Variants in REL observed in about 807,000 individuals in gnomAD.
REL encodes the protein REL proto-oncogene, NF-kB subunit.
In REL, 15 loss-of-function variants were observed where a neutral mutation model predicts 45.9. The observed-to-expected ratio is 0.33, with a 90% CI of 0.22 to 0.50. REL has a LOEUF of 0.50. Ranked by LOEUF, REL falls within the 20% of genes least tolerant of loss-of-function variation. The pLI is 0.98. For synonymous variants in REL, 239 were observed against 242.1 expected, an observed-to-expected ratio of 0.99 and a Z score of 0.12; for missense variants, 601 against 715.2, an observed-to-expected ratio of 0.84 and a Z score of 1.82.
chr2:60,920,735 C>A, intron 9 of REL, 93 bp downstream of exon 9: 3 of 755,380 alleles, frequency 4.0e-6, no homozygotes, highest in Non-Finnish European at 6.5e-6. Context: ...TGAATAACTG[C>A]TTCTTTGAAA....
chr2:60,904,316 C>A (rs569254437), intron 4 of REL, among the ~76,000 whole-genome samples: 1 of 151,678 alleles, frequency 6.6e-6, no homozygotes, highest in African/African-American at 2.4e-5. Flanking sequence ...GCAGGAGATT[C>A]GCTTGAACCC....
intron 4 of REL, among the ~76,000 whole-genome samples, chr2:60,907,784 A>G (rs1045255895): frequency 2.6e-5 from 4 of 151,236 alleles, no homozygotes; most frequent in Non-Finnish European, 1.5e-5. Context: ...TCTGTCTCCC[A>G]GGTTCACACC....
chr2:60,900,167 A>T (rs895714745), intron 3 of REL: 2 of 152,232 alleles, frequency 1.3e-5, no homozygotes, highest in African/African-American at 4.8e-5. Flanking sequence ...TTTAAAATGT[A>T]CAAGAGAAGC....
rs11678166 is a variant in REL at position 60,930,585 on chromosome 2, G to A, written c.*8050G>A. The A allele has an allele frequency of 0.02, 2,972 of 152,372 alleles. 46 individuals are homozygous for A. The highest frequency in any genetic ancestry group is 0.027 in the South Asian group (131 of 4,824). The allele number at this position is 152,372 out of a possible 1,614,324, so 9.4% of individuals were successfully genotyped here. A position where few individuals can be genotyped will look rare whatever the true frequency, so the allele number is the denominator to read the frequency against. On this transcript the variant is annotated 3_prime_UTR_variant, in exon 10 of 10. Coordinates refer to ENST00000394479, the MANE Select transcript of REL (RefSeq NM_001291746.2). Reference sequence around the variant, plus strand: ...TTAAGCACAAAGTTAACAGTGGGTAGGATTGAATCTTGAAAGTAATCATGT... The same window carrying A: ...TTAAGCACAAAGTTAACAGTGGGTAAGATTGAATCTTGAAAGTAATCATGT...
In REL at chr2:60,921,931, CCCCACGCT is replaced by C; in HGVS notation, c.1162_1169del (p.Pro388ArgfsTer8). The C allele has an allele frequency of 6.2e-7, 1 of 1,614,146 alleles. No homozygotes were observed. The highest frequency in any genetic ancestry group is 8.5e-7 in the Non-Finnish European group (1 of 1,180,032). On this transcript the variant is annotated frameshift_variant, in exon 10 of 10. Coordinates refer to ENST00000394479, the MANE Select transcript of REL (RefSeq NM_001291746.2). LOFTEE classifies it high-confidence loss of function. ...AGCTGGTCATCAGTGGCCCACCCCA[CCCCACGCT>C]CAGGCAATACAAACCCACTGAGTAG...
At position 60,926,592 on chromosome 2, in the gene REL, G is replaced by GCCCT. The variant is rs1228515690; in HGVS notation, c.*4060_*4063dup. ...CAGTTGGTGCTATTTCCCCCTACCC[G>GCCCT]CCCTCCGATGATCTTATCAGAGCCC... is the stretch of plus-strand genomic sequence containing the variant. On this transcript the variant is annotated 3_prime_UTR_variant, in exon 10 of 10. Transcript: ENST00000394479. The GCCCT allele has an allele frequency of 1.3e-5, 3 of 229,714 alleles. No individual in the cohort carries two copies. The highest frequency in any genetic ancestry group is 2.2e-5 in the African/African-American group (1 of 44,780). The allele number at this position is 229,714 out of a possible 1,614,324, so 14.2% of individuals were successfully genotyped here. A position where few individuals can be genotyped will look rare whatever the true frequency, so the allele number is the denominator to read the frequency against.
Position 60,920,105 on chromosome 2 carries a change from T to G in REL, c.918T>G (p.Asp306Glu). 1 of 1,605,710 alleles carries G rather than the reference T, an allele frequency of 6.2e-7. No homozygotes were observed. Among genetic ancestry groups the G allele is most frequent in the Non-Finnish European group, 8.5e-7 (1 of 1,173,248 alleles). The change falls in exon 8 of 10, where the codon GAT (aspartate) becomes GAG (glutamate). Residue 306 changes from aspartate to glutamate, a missense_variant. By Grantham distance (45) the Asp-to-Glu change is conservative. Transcript: ENST00000394479. The part of the protein sequence containing the change: ...TTLLFQKLCQ[D>E]HVNFPERPRP... ...TGCTTTTCCAGAAACTGTGCCAGGA[T>G]CACGGTAAGAATAGTTTGGATCGAT...
intron 4 of REL, among the ~76,000 whole-genome samples, chr2:60,911,772 G>A (rs556842283): frequency 7.2e-5 from 11 of 151,948 alleles, no homozygotes; most frequent in South Asian, 6.2e-4. Context: ...AGGCCGAGGC[G>A]GGCGGATCAC....
At position 60,929,662 on chromosome 2, in the gene REL, A is replaced by C. The variant is rs1415853076; in HGVS notation, c.*7127A>C. On this transcript the variant is annotated 3_prime_UTR_variant, in exon 10 of 10. Transcript: ENST00000394479. ...CAGGAAGGGGAATATCACACTGGGG[A>C]CTGTTGTGGGGTGGGGGGAGGGGGG... The C allele has an allele frequency of 8.8e-6, 1 of 113,966 alleles. No individual in the cohort carries two copies. Among genetic ancestry groups the C allele is most frequent in the Non-Finnish European group, 1.7e-5 (1 of 58,712 alleles). 7.1% of individuals were successfully genotyped at this position (113,966 alleles called of 1,614,324 possible). A position where few individuals can be genotyped will look rare whatever the true frequency, so the allele number is the denominator to read the frequency against.
chr2:60,885,074 G>C (rs1360628133), intron 1 of REL, among the ~76,000 whole-genome samples: 1 of 152,140 alleles, frequency 6.6e-6, no homozygotes, highest in Non-Finnish European at 1.5e-5. Flanking sequence ...CACAGATAAA[G>C]GGAATGAGTT....
intron 4 of REL, among the ~76,000 whole-genome samples, chr2:60,905,585 G>T (rs1335013985): frequency 2.6e-5 from 4 of 152,146 alleles, no homozygotes; most frequent in African/African-American, 9.7e-5. Context: ...CGAGTCACAT[G>T]GCACCAAAGT....
chr2:60,901,368 GC>G (rs1362284840), intron 4 of REL, among the ~76,000 whole-genome samples: 1 of 151,696 alleles, frequency 6.6e-6, no homozygotes, highest in Non-Finnish European at 1.5e-5. Flanking sequence ...CACCATGTTA[GC>G]CAGGCTGGTC....
At chr2:60,882,890 C>G (rs1672979886) in intron 1 of REL, among the ~76,000 whole-genome samples, 2 of 152,132 alleles carry the variant, frequency 1.3e-5, no homozygotes, top group Non-Finnish European at 1.5e-5. Flanking sequence ...CTCGATCTCT[C>G]CCTTTGGGGG....
intron 1 of REL, among the ~76,000 whole-genome samples, chr2:60,883,412 T>C (rs1483439358): frequency 6.6e-6 from 1 of 152,220 alleles, no homozygotes; most frequent in Non-Finnish European, 1.5e-5. Flanking sequence ...CAACTTTCCC[T>C]TTTCCCACTT....
At chr2:60,906,913 A>ATATATTTT (rs1311506982) in intron 4 of REL, among the ~76,000 whole-genome samples, 25 of 104,298 alleles carry the variant, frequency 2.4e-4, no homozygotes, top group South Asian at 2.9e-4. Context: ...ATATATATAT[A>ATATATTTT]TTTTTTTTTT....
chr2:60,914,092 A>C (rs986410388), intron 4 of REL, among the ~76,000 whole-genome samples: 4 of 152,264 alleles, frequency 2.6e-5, no homozygotes, highest in Non-Finnish European at 5.9e-5. Context: ...AGAGGCATAC[A>C]TAAATGATTA....
rs1207811455 is a variant in REL at position 60,918,288 on chromosome 2, T to A, written c.633T>A (p.Val211=). 2 of 1,589,902 alleles carry A rather than the reference T, an allele frequency of 1.3e-6. No homozygotes were observed. The highest frequency in any genetic ancestry group is 1.3e-5 in the African/African-American group (1 of 74,170). ...GDEIFLLCDK[V]QKDDIEVRFV... is the part of the protein sequence containing the mutation. The stretch of plus-strand genomic sequence containing the variant: ...AAATATTTCTACTTTGTGACAAAGT[T>A]CAGAAAGGTATTTATTTATTTCATT... The change falls in exon 6 of 10, where the codon GTT becomes GTA. Residue 211 remains valine (V), a synonymous_variant. Transcript: ENST00000394479.
intron 6 of REL, 47 bp from the exon 7 acceptor site, chr2:60,918,347 G>A: frequency 6.4e-7 from 1 of 1,557,550 alleles, no homozygotes. Flanking sequence ...AATAGATGCA[G>A]TTACTTTGTT....
chr2:60,896,870 A>T (rs76218227), intron 3 of REL, among the ~76,000 whole-genome samples: 1,737 of 152,240 alleles, frequency 0.011, 29 homozygotes, highest in African/African-American at 0.039. Context: ...TCTCTCCCCA[A>T]TTCAGGATCC....
Sources: gnomAD v4.1 joint callset for allele counts (sites outside exome capture counted in the v4.1 genomes callset) on GRCh38, gnomAD v4.1.1 for gene constraint, MANE v1.5 for transcripts, NCBI Gene and HGNC (gene_info 2026-07-23, HGNC 2026-07-21) for gene names.